Variants in CSMD1 observed in about 807,000 individuals in gnomAD.
CSMD1 encodes CUB and Sushi multiple domains 1.
Under a neutral mutation model 417.5 loss-of-function variants are expected in CSMD1, and 213 were observed. That is an observed-to-expected ratio of 0.51 (90% CI 0.46 to 0.57). The LOEUF is 0.57. Ranked by LOEUF, CSMD1 falls within the 20% of genes least tolerant of loss-of-function variation. The pLI is 0.00. For missense variants in CSMD1, 6,923 were observed against 4,529.7 expected (o/e 1.53, Z -15.17); for synonymous variants, 2,862 against 1,736.8 (o/e 1.65, Z -16.11).
intron 3 of CSMD1, among the ~76,000 whole-genome samples, chr8:4,177,262 C>G (rs1370386804): frequency 5.9e-5 from 9 of 152,076 alleles, no homozygotes; most frequent in Non-Finnish European, 1.0e-4. Flanking sequence ...AGCTAGAACT[C>G]AGGATTAAGA....
At chr8:3,095,389 TCTCTA>T (rs1563333871) in intron 47 of CSMD1, among the ~76,000 whole-genome samples, 1 of 152,154 alleles carries the variant, frequency 6.6e-6, no homozygotes, top group African/African-American at 2.4e-5. Context: ...GAGTTACTTC[TCTCTA>T]CTCTACAGAC....
chr8:4,675,558 T>C (rs77870163), intron 1 of CSMD1, among the ~76,000 whole-genome samples: 4,492 of 152,264 alleles, frequency 0.03, 212 homozygotes, highest in African/African-American at 0.1. Context: ...TATTTCAATG[T>C]AGAGACAATA....
chr8:4,262,041 T>G (rs1803924000), intron 3 of CSMD1, among the ~76,000 whole-genome samples: 3 of 152,194 alleles, frequency 2.0e-5, no homozygotes, highest in Admixed American at 2.0e-4. Context: ...TCCTTATTAT[T>G]GTCCCATATT....
chr8:4,688,886 C>T (rs149875774), intron 1 of CSMD1, among the ~76,000 whole-genome samples: 2 of 152,156 alleles, frequency 1.3e-5, no homozygotes, highest in African/African-American at 2.4e-5. Context: ...CTATAACTCA[C>T]GTCAGTGTGC....
In CSMD1 at chr8:3,181,119, C is replaced by A; in HGVS notation, c.5716G>T (p.Glu1906Ter). The change falls in exon 37 of 70, where the codon GAA (glutamate) becomes TAA (stop). Residue 1906 changes from glutamate (E) to a stop codon, truncating the protein, a stop_gained. Coordinates refer to ENST00000635120, the MANE Select transcript of CSMD1 (RefSeq NM_033225.6). LOFTEE classifies it high-confidence loss of function. Reference sequence around the variant, plus strand: ...AAAGAGTTGACCTTACTTTTGTATTCCAGGTGGAAACCAGCAGCTGCCACA... The same window carrying A: ...AAAGAGTTGACCTTACTTTTGTATTACAGGTGGAAACCAGCAGCTGCCACA... ...ISVAAAGFHL[E>*]YKTVGLAACQ... 1 of 1,611,870 alleles carries A rather than the reference C, an allele frequency of 6.2e-7. No individual in the cohort carries two copies. The highest frequency in any genetic ancestry group is 1.1e-5 in the South Asian group (1 of 90,886).
At chr8:4,472,404 A>C (rs1038588772) in intron 2 of CSMD1, among the ~76,000 whole-genome samples, 2 of 152,104 alleles carry the variant, frequency 1.3e-5, no homozygotes, top group African/African-American at 4.8e-5. Flanking sequence ...GTAGTCTCTT[A>C]ATACTTTTAT....
intron 3 of CSMD1, among the ~76,000 whole-genome samples, chr8:4,283,415 T>A (rs1359223545): frequency 3.3e-5 from 5 of 152,322 alleles, no homozygotes; most frequent in African/African-American, 1.2e-4. Context: ...AAGAACACAT[T>A]CTTTTCATCT....
intron 2 of CSMD1, among the ~76,000 whole-genome samples, chr8:4,604,942 G>C (rs961221170): frequency 5.3e-5 from 8 of 152,168 alleles, no homozygotes; most frequent in Non-Finnish European, 8.8e-5. Flanking sequence ...CTTTGCCAGA[G>C]ATGTAATTTG....
At chr8:4,413,838 G>A (rs542033335) in intron 3 of CSMD1, among the ~76,000 whole-genome samples, 1 of 152,116 alleles carries the variant, frequency 6.6e-6, no homozygotes, top group African/African-American at 2.4e-5. Flanking sequence ...ACTTCTACTT[G>A]TTATGAAATG....
At chr8:4,825,796 GA>G (rs140684432) in intron 1 of CSMD1, among the ~76,000 whole-genome samples, 10,315 of 134,842 alleles carry the variant, frequency 0.076, 432 homozygotes, top group African/African-American at 0.13. Context: ...AAAAAAAAAA[GA>G]AAAAAAAAAG....
chr8:4,953,215 T>C (rs762897735), intron 1 of CSMD1, among the ~76,000 whole-genome samples: 4 of 152,324 alleles, frequency 2.6e-5, no homozygotes, highest in Non-Finnish European at 5.9e-5. Flanking sequence ...TTTTATTTCC[T>C]AATGAGTTTT....
At position 3,807,122 on chromosome 8, in the gene CSMD1, C is replaced by G. The variant is rs2062072; in HGVS notation, c.819-53080G>C. Among the ~76,000 whole-genome samples, 333 of 152,188 alleles carry G rather than the reference C, an allele frequency of 2.2e-3. 2 individuals are homozygous for G. The highest frequency in any genetic ancestry group is 7.9e-3 in the African/African-American group (326 of 41,526). ...GAAGGTTAAATTGACTTTAATAGGG[C>G]ACATTTCCTAAAGAAAAGTTTAACC... On this transcript the variant is annotated intron_variant, in intron 5 of 69. Coordinates refer to ENST00000635120, the MANE Select transcript of CSMD1 (RefSeq NM_033225.6).
At chr8:4,934,656 A>G (rs1004309737) in intron 1 of CSMD1, among the ~76,000 whole-genome samples, 2 of 144,266 alleles carry the variant, frequency 1.4e-5, no homozygotes, top group Non-Finnish European at 3.1e-5. Context: ...TTTATTGATC[A>G]ATTATTGACC....
At chr8:4,563,785 T>A (rs554572185) in intron 2 of CSMD1, among the ~76,000 whole-genome samples, 10 of 152,272 alleles carry the variant, frequency 6.6e-5, no homozygotes, top group Admixed American at 5.9e-4. Context: ...CTGTCCTAAA[T>A]GTTTCTGTCC....
intron 3 of CSMD1, among the ~76,000 whole-genome samples, chr8:4,059,377 A>G (rs1208168101): frequency 6.6e-6 from 1 of 152,198 alleles, no homozygotes; most frequent in Non-Finnish European, 1.5e-5. Context: ...ATCACAATTA[A>G]AAGAACTAGA....
At position 4,330,832 on chromosome 8, in the gene CSMD1, C is replaced by T. The variant is rs141768020; in HGVS notation, c.415+89121G>A. 5.4e-3 allele frequency among the ~76,000 whole-genome samples: 823 copies of T among 152,220 alleles called. 6 individuals carry two copies. The highest frequency in any genetic ancestry group is 0.019 in the African/African-American group (782 of 41,550). On this transcript the variant is annotated intron_variant, in intron 3 of 69. Transcript: ENST00000635120. Reference sequence around the variant, plus strand: ...GCACTGTTCATTCTTGCACATGCAGCTCATATCCCACCTTCCCAGATTCTA... The same window carrying T: ...GCACTGTTCATTCTTGCACATGCAGTTCATATCCCACCTTCCCAGATTCTA...
chr8:3,460,531 G>A (rs539042720), intron 12 of CSMD1, among the ~76,000 whole-genome samples: 16 of 152,170 alleles, frequency 1.1e-4, no homozygotes, highest in East Asian at 1.9e-4. Flanking sequence ...GTTTAGTAGC[G>A]GGGAGAAATG....
At chr8:3,809,489 C>A (rs1337232637) in intron 5 of CSMD1, among the ~76,000 whole-genome samples, 2 of 152,148 alleles carry the variant, frequency 1.3e-5, no homozygotes, top group Non-Finnish European at 2.9e-5. Context: ...CTGCGTGATC[C>A]TTCAGTTTCC....
intron 3 of CSMD1, among the ~76,000 whole-genome samples, chr8:4,310,497 A>G (rs944197655): frequency 6.8e-6 from 1 of 147,904 alleles, no homozygotes; most frequent in African/African-American, 2.5e-5. Flanking sequence ...TATTAATTTG[A>G]AACTTCTTTT....
Sources: gnomAD v4.1 joint callset for allele counts (sites outside exome capture counted in the v4.1 genomes callset) on GRCh38, gnomAD v4.1.1 for gene constraint, MANE v1.5 for transcripts, NCBI Gene and HGNC (gene_info 2026-07-23, HGNC 2026-07-21) for gene names.